Variants in PCBP3 observed in about 807,000 individuals in gnomAD.
The protein encoded by PCBP3 is poly(rC)-binding protein 3.
PCBP3 carries 25 observed loss-of-function variants against 52.7 expected under a neutral mutation model. The observed-to-expected ratio is 0.47, with a 90% CI of 0.35 to 0.66. PCBP3 has a LOEUF of 0.66. Among genes scored for constraint, PCBP3 ranks in the 30% least tolerant of loss-of-function variants. PCBP3 has a pLI of 0.01. For synonymous variants in PCBP3, 162 were observed against 183.0 expected, an observed-to-expected ratio of 0.89 and a Z score of 0.93; for missense variants, 391 against 490.3, an observed-to-expected ratio of 0.80 and a Z score of 1.91.
intron 5 of PCBP3, chr21:45,859,808 G>C (rs527995450): frequency 2.6e-5 from 4 of 152,332 alleles, no homozygotes; most frequent in African/African-American, 9.7e-5. Context: ...TCCACACCCG[G>C]GTCACAGAGA....
chr21:45,784,585 C>T lies in PCBP3; in HGVS notation c.-126+29133C>T, dbSNP rs916152931. Among the ~76,000 whole-genome samples, 13 of 152,176 alleles carry T rather than the reference C, an allele frequency of 8.5e-5. No homozygotes were observed. In the East Asian group the frequency reaches 9.7e-4, roughly 11 times the overall value. The stretch of plus-strand genomic sequence containing the variant: ...GCCTGATTCTCCTGCCTCAGCCTGC[C>T]GAGTGCCTGCAATTGCAGGCGCGCG... On this transcript the variant is annotated intron_variant, in intron 4 of 17. Coordinates refer to ENST00000681687, the MANE Select transcript of PCBP3 (RefSeq NM_001384156.1).
At chr21:45,649,286 C>A (rs978646427) in intron 1 of PCBP3, among the ~76,000 whole-genome samples, 3 of 152,146 alleles carry the variant, frequency 2.0e-5, no homozygotes, top group Admixed American at 2.0e-4. Context: ...GACCTGCCCC[C>A]ATGATTCAAT....
intron 5 of PCBP3, chr21:45,893,739 G>A (rs1603473187): frequency 1.0e-6 from 1 of 985,416 alleles, no homozygotes; most frequent in Non-Finnish European, 1.2e-6. Context: ...GGAGGGACCT[G>A]GATGGACCAG....
rs1467623016 is a variant in PCBP3 at position 45,737,558 on chromosome 21, G to T, written c.-162+2129G>T. Among the ~76,000 whole-genome samples, 1 of 152,192 alleles carries T rather than the reference G, an allele frequency of 6.6e-6. No homozygotes were observed. Among genetic ancestry groups the T allele is most frequent in the Non-Finnish European group, 1.5e-5 (1 of 68,042 alleles). ...TGGAAATAAACCAGCGTGCTGGGGT[G>T]GGGCGAGCCCGACCATGCAAGCCAT... On this transcript the variant is annotated intron_variant, in intron 3 of 17. Transcript: ENST00000681687. The surrounding 1 kb of genome is among the most constrained non-coding windows in gnomAD (Gnocchi z 4.9).
At chr21:45,796,299 A>G (rs2091918183) in intron 4 of PCBP3, among the ~76,000 whole-genome samples, 1 of 152,264 alleles carries the variant, frequency 6.6e-6, no homozygotes, top group Non-Finnish European at 1.5e-5. Context: ...AATCATAAGT[A>G]AAGTGTTAGA....
At chr21:45,714,898 G>T (rs1470953651) in intron 2 of PCBP3, among the ~76,000 whole-genome samples, 1 of 152,196 alleles carries the variant, frequency 6.6e-6, no homozygotes, top group African/African-American at 2.4e-5. Flanking sequence ...TCAGGCATTT[G>T]CTCTAGAAGA....
chr21:45,901,729 A>T (rs2096060143), intron 9 of PCBP3: 1 of 152,248 alleles, frequency 6.6e-6, no homozygotes, highest in Non-Finnish European at 1.5e-5. Flanking sequence ...GAGAGATGAG[A>T]GAGAGAGAGA....
At chr21:45,701,474 G>T (rs1023445261) in intron 2 of PCBP3, among the ~76,000 whole-genome samples, 1 of 152,154 alleles carries the variant, frequency 6.6e-6, no homozygotes, top group African/African-American at 2.4e-5. Flanking sequence ...AATTAACACA[G>T]ATATTTTAAA....
chr21:45,819,620 C>T lies in PCBP3; in HGVS notation c.-125-30341C>T, dbSNP rs534409769. ...AAACCGCCCACGCAGCCCTGAAGTC[C>T]TTGATGGTAGTGTAGATTCTACAGT... On this transcript the variant is annotated intron_variant, in intron 4 of 17. Transcript: ENST00000681687. Among the ~76,000 whole-genome samples, 5 of 152,348 alleles carry T rather than the reference C, an allele frequency of 3.3e-5. No homozygotes were observed. In the South Asian group the frequency reaches 1.0e-3, roughly 32 times the overall value.
intron 6 of PCBP3, among the ~76,000 whole-genome samples, chr21:45,898,965 C>T (rs1413213666): frequency 2.0e-5 from 3 of 152,224 alleles, no homozygotes; most frequent in Admixed American, 6.5e-5. Context: ...CTCTGCATGC[C>T]GTCCTCACAG....
chr21:45,819,347 G>A (rs1377737441), intron 4 of PCBP3, among the ~76,000 whole-genome samples: 3 of 152,250 alleles, frequency 2.0e-5, no homozygotes, highest in Non-Finnish European at 2.9e-5. Flanking sequence ...CTGTGACAGA[G>A]CAGGAAGGGC....
chr21:45,672,700 T>C (rs1413892354), intron 2 of PCBP3, among the ~76,000 whole-genome samples: 4 of 152,144 alleles, frequency 2.6e-5, no homozygotes, highest in Admixed American at 2.6e-4. Context: ...GACACACCTG[T>C]AATCTCACCT....
intron 16 of PCBP3, 162 bp downstream of exon 16, chr21:45,935,467 A>G (rs1323108381): frequency 7.1e-6 from 5 of 703,960 alleles, no homozygotes; most frequent in Non-Finnish European, 1.3e-5. Context: ...TCCTTTTTAA[A>G]GTGGGTTTAA....
intron 5 of PCBP3, among the ~76,000 whole-genome samples, chr21:45,874,133 G>A (rs1459895943): frequency 2.0e-5 from 3 of 152,152 alleles, no homozygotes; most frequent in Admixed American, 1.3e-4. Context: ...CGGCCCGCTT[G>A]TCTATTCTTA....
At chr21:45,712,739 G>A (rs1282732022) in intron 2 of PCBP3, among the ~76,000 whole-genome samples, 1 of 149,892 alleles carries the variant, frequency 6.7e-6, no homozygotes, top group Non-Finnish European at 1.5e-5. Context: ...GCCTCACTCT[G>A]TCACCCAGGC....
At chr21:45,810,906 G>A (rs1166444250) in intron 4 of PCBP3, among the ~76,000 whole-genome samples, 2 of 152,120 alleles carry the variant, frequency 1.3e-5, no homozygotes, top group African/African-American at 4.8e-5. Flanking sequence ...TTTTAAAATG[G>A]CCCCACTTCA....
chr21:45,937,558 G>A (rs551851665), intron 16 of PCBP3, among the ~76,000 whole-genome samples: 16 of 152,344 alleles, frequency 1.1e-4, no homozygotes, highest in South Asian at 6.2e-4. Flanking sequence ...TGCAGTTCCC[G>A]TGGAATTTGG....
At chr21:45,703,438 C>T (rs755145946) in intron 2 of PCBP3, among the ~76,000 whole-genome samples, 51 of 152,334 alleles carry the variant, frequency 3.3e-4, no homozygotes, top group Middle Eastern at 3.4e-3. Context: ...ACATTCATCT[C>T]CTTGCACATC....
chr21:45,800,377 G>A lies in PCBP3; in HGVS notation c.-126+44925G>A, dbSNP rs1013889044. The stretch of plus-strand genomic sequence containing the variant: ...CCTTCTGTGAAGTGCAGATGATGTC[G>A]CCTTTGTAGACAAAGGAAGAGACCT... On this transcript the variant is annotated intron_variant, in intron 4 of 17. Coordinates refer to ENST00000681687, the MANE Select transcript of PCBP3 (RefSeq NM_001384156.1). This position sits in a 1 kb window ranked among gnomAD's most constrained non-coding sequence, Gnocchi z 5.3. Among the ~76,000 whole-genome samples the A allele has an allele frequency of 2.6e-5, 4 of 152,176 alleles. No homozygotes were observed. Among genetic ancestry groups the A allele is most frequent in the African/African-American group, 7.2e-5 (3 of 41,448 alleles).
Sources: gnomAD v4.1 joint callset for allele counts (sites outside exome capture counted in the v4.1 genomes callset) on GRCh38, gnomAD v4.1.1 for gene constraint, Gnocchi (gnomAD v3.1) non-coding constraint, MANE v1.5 for transcripts, NCBI Gene and HGNC (gene_info 2026-07-23, HGNC 2026-07-21) for gene names.